TACC2: variants seen among roughly 807,000 people sequenced by gnomAD.
TACC2 encodes the protein transforming acidic coiled-coil containing protein 2.
TACC2 carries 137 observed loss-of-function variants against 227.3 expected under a neutral mutation model. That is an observed-to-expected ratio of 0.60 (90% CI 0.52 to 0.69). The LOEUF (loss-of-function observed/expected upper bound fraction) is 0.69, where lower values mean the gene tolerates loss of function less well. TACC2 is among the 30% of genes least tolerant of loss of function. The pLI is 0.00. For synonymous variants in TACC2, 1,523 were observed against 1,487.5 expected, an observed-to-expected ratio of 1.02 and a Z score of -0.55; for missense variants, 3,470 against 3,694.4, an observed-to-expected ratio of 0.94 and a Z score of 1.57.
intron 5 of TACC2, among the ~76,000 whole-genome samples, chr10:122,107,724 G>A (rs1379263255): frequency 1.3e-5 from 2 of 150,554 alleles, no homozygotes; most frequent in Non-Finnish European, 3.0e-5. Context: ...GGTGGTGTTT[G>A]GTTACATGCA....
chr10:122,073,152 T>TATAC (rs1407096697), intron 3 of TACC2, among the ~76,000 whole-genome samples: 2 of 92,524 alleles, frequency 2.2e-5, no homozygotes, highest in Non-Finnish European at 4.1e-5. Context: ...TATATATATA[T>TATAC]ACACACACAC....
At chr10:122,125,541 C>T (rs867532128) in intron 5 of TACC2, among the ~76,000 whole-genome samples, 3 of 152,108 alleles carry the variant, frequency 2.0e-5, no homozygotes, top group Admixed American at 1.3e-4. Context: ...TGGAAGAAGT[C>T]CCTCAATCTG....
chr10:122,165,932 T>C (rs1437202398), intron 7 of TACC2, among the ~76,000 whole-genome samples: 1 of 152,246 alleles, frequency 6.6e-6, no homozygotes, highest in Admixed American at 6.5e-5. Context: ...TTTCCCAGTC[T>C]AGAGGTTTTA....
intron 2 of TACC2, among the ~76,000 whole-genome samples, chr10:122,041,020 C>T (rs1162672110): frequency 1.3e-5 from 2 of 152,168 alleles, no homozygotes; most frequent in African/African-American, 4.8e-5. Flanking sequence ...TTTGCTGCTG[C>T]AGGAGACCTC....
Position 122,210,107 on chromosome 10 carries a change from T to G in TACC2, c.5972-290T>G. The G allele has an allele frequency of 2.2e-6, 1 of 457,322 alleles. No individual in the cohort carries two copies. The highest frequency in any genetic ancestry group is 2.0e-5 in the African/African-American group (1 of 51,084). 28.3% of individuals were successfully genotyped at this position (457,322 alleles called of 1,614,324 possible). On this transcript the variant is annotated intron_variant, in intron 8 of 22. Coordinates refer to ENST00000369005, the MANE Select transcript of TACC2 (RefSeq NM_206862.4). This position sits in a 1 kb window ranked among gnomAD's most constrained non-coding sequence, Gnocchi z 4.6. ...TACCTAGAACCATGTCTGGTCCTGA[T>G]TAGGCACTTGGTGAATGTTTTTGAA...
chr10:122,006,117 G>C (rs554529433), intron 1 of TACC2, among the ~76,000 whole-genome samples: 29 of 152,130 alleles, frequency 1.9e-4, no homozygotes, highest in African/African-American at 6.0e-4. Flanking sequence ...TTTTAATGCT[G>C]TTTCATTGTT....
intron 2 of TACC2, among the ~76,000 whole-genome samples, chr10:122,030,148 C>T (rs1442020181): frequency 6.6e-6 from 1 of 152,160 alleles, no homozygotes; most frequent in African/African-American, 2.4e-5. Flanking sequence ...AATACAAGAA[C>T]ATTTGGCTTA....
intron 11 of TACC2, among the ~76,000 whole-genome samples, chr10:122,217,755 C>G (rs2141167135): frequency 6.6e-6 from 1 of 151,576 alleles, no homozygotes; most frequent in African/African-American, 2.4e-5. Flanking sequence ...GATAGGAAAA[C>G]CTTTTTGAAG....
chr10:122,076,628 G>A (rs999445939), intron 3 of TACC2, among the ~76,000 whole-genome samples: 1 of 151,972 alleles, frequency 6.6e-6, no homozygotes, highest in Non-Finnish European at 1.5e-5. Flanking sequence ...TGCAGTGCAT[G>A]CCCTGACACA....
chr10:122,228,658 G>T (rs990116301), intron 14 of TACC2, among the ~76,000 whole-genome samples: 13 of 152,150 alleles, frequency 8.5e-5, no homozygotes, highest in Non-Finnish European at 1.3e-4. Context: ...CAGGTGTGAA[G>T]CCCTTGATTT....
intron 19 of TACC2, among the ~76,000 whole-genome samples, chr10:122,245,593 G>A (rs1365673230): frequency 6.6e-6 from 1 of 152,126 alleles, no homozygotes; most frequent in African/African-American, 2.4e-5. Flanking sequence ...ATGTTGAAAG[G>A]CCCTTTCTTT....
At chr10:122,204,831 A>T (rs975063368) in intron 8 of TACC2, among the ~76,000 whole-genome samples, 1 of 151,956 alleles carries the variant, frequency 6.6e-6, no homozygotes, top group Non-Finnish European at 1.5e-5. Flanking sequence ...GCTCTTCAAA[A>T]AAAAAAAAAA....
chr10:122,226,364 A>G lies in TACC2; in HGVS notation c.7609-2A>G. On this transcript the variant is annotated splice_acceptor_variant, in intron 12 of 22. Coordinates refer to ENST00000369005, the MANE Select transcript of TACC2 (RefSeq NM_206862.4). LOFTEE classifies it high-confidence loss of function. ...GCTGATATGTGATTTTGATCCCTGC[A>G]GCAGGACGACGATGCCCCGAAGAAG... The G allele has an allele frequency of 1.2e-6, 2 of 1,612,132 alleles. No individual in the cohort carries two copies. Among genetic ancestry groups the G allele is most frequent in the Non-Finnish European group, 1.7e-6 (2 of 1,178,382 alleles).
chr10:122,077,218 TTCTG>T (rs2136932294), intron 3 of TACC2, among the ~76,000 whole-genome samples: 1 of 152,278 alleles, frequency 6.6e-6, no homozygotes, highest in Non-Finnish European at 1.5e-5. Flanking sequence ...GTTCAGTTGT[TTCTG>T]TCCATCCTTC....
At chr10:122,006,827 TG>T (rs1399198181) in intron 1 of TACC2, among the ~76,000 whole-genome samples, 2 of 151,876 alleles carry the variant, frequency 1.3e-5, no homozygotes, top group Non-Finnish European at 2.9e-5. Flanking sequence ...TATTTCTTTA[TG>T]CCATTTCTTA....
At chr10:122,163,684 G>C (rs1264219317) in intron 7 of TACC2, 6 of 1,070,290 alleles carry the variant, frequency 5.6e-6, no homozygotes, top group African/African-American at 1.7e-5. Context: ...GGCCACACTC[G>C]GGCGCGCGCC....
intron 14 of TACC2, among the ~76,000 whole-genome samples, chr10:122,229,119 G>A (rs997288543): frequency 2.0e-5 from 3 of 151,948 alleles, no homozygotes; most frequent in African/African-American, 7.3e-5. Context: ...GACACTGAAG[G>A]CTATGCTTTT....
At chr10:122,112,073 AGAG>A (rs1182720838) in intron 5 of TACC2, among the ~76,000 whole-genome samples, 1 of 152,168 alleles carries the variant, frequency 6.6e-6, no homozygotes. Flanking sequence ...TGTTTCTTTA[AGAG>A]GAGGAAAGGA....
chr10:122,200,333 G>T (rs1295044437), intron 8 of TACC2, among the ~76,000 whole-genome samples: 1 of 152,156 alleles, frequency 6.6e-6, no homozygotes, highest in Non-Finnish European at 1.5e-5. Flanking sequence ...CATAGAGCCA[G>T]GTGAGGAGAC....
Sources: allele counts gnomAD v4.1 joint callset (sites outside exome capture counted in the v4.1 genomes callset), GRCh38; gene constraint gnomAD v4.1.1; non-coding constraint Gnocchi (gnomAD v3.1); transcripts MANE v1.5; gene names NCBI Gene and HGNC (gene_info 2026-07-23, HGNC 2026-07-21).